Variants in SNX2 observed in about 807,000 individuals in gnomAD.
SNX2 encodes sorting nexin 2, also known as sorting nexin-2.
Under a neutral mutation model 69.9 loss-of-function variants are expected in SNX2, and 25 were observed. That is an observed-to-expected ratio of 0.36 (90% confidence interval 0.26 to 0.50). The LOEUF is 0.50. Ranked by LOEUF, SNX2 falls within the 20% of genes least tolerant of loss-of-function variation. The pLI, the probability that SNX2 is intolerant of heterozygous loss-of-function variation, is 0.97. For missense variants in SNX2, 551 were observed against 613.3 expected, an observed-to-expected ratio of 0.90 and a Z score of 1.07; for synonymous variants, 229 against 200.4, an observed-to-expected ratio of 1.14 and a Z score of -1.20.
In SNX2 at chr5:122,831,990, C is replaced by T. The variant is rs948498312; in HGVS notation, c.*2342C>T. Among the ~76,000 whole-genome samples, 13 of 152,152 alleles carry T rather than the reference C, an allele frequency of 8.5e-5. No individual in the cohort carries two copies. The highest frequency in any genetic ancestry group is 2.6e-4 in the Admixed American group (4 of 15,276). On this transcript the variant is annotated 3_prime_UTR_variant, in exon 15 of 15. Transcript: ENST00000379516. The stretch of plus-strand genomic sequence containing the variant: ...GTATTTAAACAGGATTTAATTATTT[C>T]AACACTTCACCCATCAATCTTCACT...
intron 1 of SNX2, among the ~76,000 whole-genome samples, chr5:122,786,576 C>G (rs1753093963): frequency 6.6e-6 from 1 of 152,144 alleles, no homozygotes; most frequent in East Asian, 1.9e-4. Context: ...CCAAGCTTTA[C>G]AACCACATAG....
intron 11 of SNX2, among the ~76,000 whole-genome samples, chr5:122,820,675 T>C (rs1351829567): frequency 3.3e-5 from 5 of 152,212 alleles, no homozygotes; most frequent in African/African-American, 1.2e-4. Context: ...GCTGTGTTAC[T>C]GTATTTCCTG....
rs1754249673 is a variant in SNX2 at position 122,829,983 on chromosome 5, T to C, written c.*335T>C. Reference sequence around the variant, plus strand: ...TACAATATTTTTTCTTTACAATATGTTCTGTAGTATGTTTACCCTCTTTAT... The same window carrying C: ...TACAATATTTTTTCTTTACAATATGCTCTGTAGTATGTTTACCCTCTTTAT... On this transcript the variant is annotated 3_prime_UTR_variant, in exon 15 of 15. Coordinates refer to ENST00000379516, the MANE Select transcript of SNX2 (RefSeq NM_003100.4). The C allele has an allele frequency of 3.9e-6, 1 of 254,346 alleles. No individual in the cohort carries two copies. Among genetic ancestry groups the C allele is most frequent in the Non-Finnish European group, 7.7e-6 (1 of 130,250 alleles). 15.8% of individuals were successfully genotyped at this position (254,346 alleles called of 1,614,324 possible).
At chr5:122,828,911 G>A (rs1232027279) in intron 14 of SNX2, among the ~76,000 whole-genome samples, 1 of 152,086 alleles carries the variant, frequency 6.6e-6, no homozygotes, top group Non-Finnish European at 1.5e-5. Flanking sequence ...CTGAGGTCAG[G>A]AGTTTAAGAC....
chr5:122,775,448 A>G (rs1263996892), intron 1 of SNX2: 3 of 1,216,910 alleles, frequency 2.5e-6, no homozygotes, highest in Non-Finnish European at 1.0e-6. Context: ...CAGAGGGGCC[A>G]GAACCGAACC....
At chr5:122,817,573 A>T (rs1425421330) in intron 10 of SNX2, among the ~76,000 whole-genome samples, 200 bp downstream of exon 10, 1 of 152,140 alleles carries the variant, frequency 6.6e-6, no homozygotes, top group Non-Finnish European at 1.5e-5. Context: ...GAAGTAGAAA[A>T]ATAACGAGCT....
At chr5:122,804,880 A>C (rs1753601810) in intron 6 of SNX2, among the ~76,000 whole-genome samples, 1 of 151,862 alleles carries the variant, frequency 6.6e-6, no homozygotes, top group Admixed American at 6.6e-5. Flanking sequence ...TCACAGTTTT[A>C]GTATATGTGC....
intron 1 of SNX2, among the ~76,000 whole-genome samples, chr5:122,791,609 A>AT (rs1335295668): frequency 1.4e-5 from 2 of 147,062 alleles, no homozygotes; most frequent in Non-Finnish European, 3.0e-5. Flanking sequence ...TAGAGACGAG[A>AT]TTTTTCCATG....
intron 7 of SNX2, among the ~76,000 whole-genome samples, chr5:122,812,906 T>C (rs1753812594): frequency 6.6e-6 from 1 of 152,248 alleles, no homozygotes. Context: ...TGTAACTCTG[T>C]TGCTCTCAAG....
In SNX2 at chr5:122,830,318, G is replaced by A. The variant is rs751963525; in HGVS notation, c.*670G>A. Among the ~76,000 whole-genome samples, 51 of 152,230 alleles carry A rather than the reference G, an allele frequency of 3.4e-4. 1 individual carries two copies. The highest frequency in any genetic ancestry group is 5.7e-4 in the Non-Finnish European group (39 of 68,002). ...ATCAAAGAACATTTGACTCTTGATT[G>A]TCTTGGGTAAAGAAGAGAATAATTG... On this transcript the variant is annotated 3_prime_UTR_variant, in exon 15 of 15. Transcript: ENST00000379516.
chr5:122,825,135 GTTT>G (rs1372068775), intron 11 of SNX2, among the ~76,000 whole-genome samples: 1 of 152,030 alleles, frequency 6.6e-6, no homozygotes, highest in Non-Finnish European at 1.5e-5. Flanking sequence ...GGTTCAAAAA[GTTT>G]TTTATTTGGA....
At chr5:122,827,047 A>G (rs1001084935) in intron 12 of SNX2, among the ~76,000 whole-genome samples, 4 of 152,102 alleles carry the variant, frequency 2.6e-5, no homozygotes, top group Non-Finnish European at 4.4e-5. Flanking sequence ...AAATTACACT[A>G]TAGCACTGAT....
chr5:122,825,927 TA>T (rs1269893427), intron 11 of SNX2, 122 bp from the exon 12 acceptor site: 2 of 783,096 alleles, frequency 2.6e-6, no homozygotes, highest in African/African-American at 3.5e-5. Context: ...TTCAGTATCT[TA>T]GTATATTAGA....
intron 1 of SNX2, among the ~76,000 whole-genome samples, chr5:122,779,231 G>C (rs79150989): frequency 0.071 from 10,823 of 152,204 alleles, 524 homozygotes; most frequent in Middle Eastern, 0.11. Context: ...TGTATTCACA[G>C]ATATGCCCAA....
chr5:122,825,703 A>T (rs188817228), intron 11 of SNX2, among the ~76,000 whole-genome samples: 1 of 152,172 alleles, frequency 6.6e-6, no homozygotes, highest in African/African-American at 2.4e-5. Context: ...TTTCCAGTGT[A>T]GGTATGACAC....
At chr5:122,791,892 C>A (rs1007351357) in intron 1 of SNX2, among the ~76,000 whole-genome samples, 1 of 152,146 alleles carries the variant, frequency 6.6e-6, no homozygotes, top group African/African-American at 2.4e-5. Flanking sequence ...CTATGTACAG[C>A]GTGCAGTCTA....
intron 11 of SNX2, among the ~76,000 whole-genome samples, chr5:122,821,172 A>G (rs1434221943): frequency 2.0e-5 from 3 of 152,210 alleles, no homozygotes; most frequent in Non-Finnish European, 4.4e-5. Context: ...AATAATGCAC[A>G]TACATGATAG....
intron 11 of SNX2, among the ~76,000 whole-genome samples, chr5:122,825,612 T>C (rs1458865076): frequency 2.0e-5 from 3 of 152,084 alleles, no homozygotes; most frequent in African/African-American, 4.8e-5. Context: ...ACATATCTTA[T>C]GAGTTTTTCC....
intron 11 of SNX2, among the ~76,000 whole-genome samples, chr5:122,825,401 G>T (rs1049402912): frequency 6.6e-6 from 1 of 152,008 alleles, no homozygotes; most frequent in Non-Finnish European, 1.5e-5. Context: ...CTCCTTGAGA[G>T]AAGTCATGGA....
Sources: gnomAD v4.1 joint callset for allele counts (sites outside exome capture counted in the v4.1 genomes callset) on GRCh38, gnomAD v4.1.1 for gene constraint, MANE v1.5 for transcripts, NCBI Gene and HGNC (gene_info 2026-07-23, HGNC 2026-07-21) for gene names.